The following TLE4 variants were observed in gnomAD, a reference collection of about 807,000 sequenced individuals.
The protein encoded by TLE4 is TLE family member 4, transcriptional corepressor.
In TLE4, 8 loss-of-function variants were observed where a neutral mutation model predicts 92.8. The observed-to-expected ratio is 0.09, with a 90% confidence interval of 0.05 to 0.16. The LOEUF (loss-of-function observed/expected upper bound fraction) is 0.16, where lower values mean the gene tolerates loss of function less well. Ranked by LOEUF, TLE4 falls within the 10% of genes least tolerant of loss-of-function variation. The pLI is 1.00. For synonymous variants in TLE4, 371 were observed against 374.1 expected, an observed-to-expected ratio of 0.99 and a Z score of 0.10; for missense variants, 675 against 997.6, an observed-to-expected ratio of 0.68 and a Z score of 4.36.
chr9:79,649,923 G>GTT (rs368464088), intron 6 of TLE4: 1,917 of 1,196,170 alleles, frequency 1.6e-3, no homozygotes, highest in South Asian at 2.1e-3. Context: ...TTTGTTTTTT[G>GTT]TTTTTTTTTT....
At chr9:79,599,178 G>C (rs1383259799) in intron 4 of TLE4, among the ~76,000 whole-genome samples, 1 of 152,160 alleles carries the variant, frequency 6.6e-6, no homozygotes, top group African/African-American at 2.4e-5. Context: ...AATTGACCTT[G>C]ATGGGCCCTT....
intron 6 of TLE4, among the ~76,000 whole-genome samples, chr9:79,641,977 T>C (rs1267535071): frequency 2.6e-5 from 4 of 151,892 alleles, no homozygotes; most frequent in Non-Finnish European, 5.9e-5. Flanking sequence ...AAAAAGGGTA[T>C]AGAAGACTAT....
At chr9:79,598,075 G>GAAAAAAAAAAAAAAAAAAAAAAAA (rs748860967) in intron 4 of TLE4, among the ~76,000 whole-genome samples, 1 of 65,736 alleles carries the variant, frequency 1.5e-5, no homozygotes, top group Non-Finnish European at 3.0e-5. Flanking sequence ...TACTGAAAAA[G>GAAAAAAAAAAAAAAAAAAAAAAAA]AAAAAAAAAA....
intron 4 of TLE4, among the ~76,000 whole-genome samples, chr9:79,605,905 T>C (rs867659090): frequency 6.6e-6 from 1 of 152,192 alleles, no homozygotes; most frequent in African/African-American, 2.4e-5. Flanking sequence ...GTAGAATCAT[T>C]GCTTTGGTTA....
rs139997823 is a variant in TLE4 at position 79,683,166 on chromosome 9, G to A, written c.610-21617G>A. Among the ~76,000 whole-genome samples the A allele has an allele frequency of 1.7e-3, 260 of 152,332 alleles. 3 individuals carry two copies. The highest frequency in any genetic ancestry group is 4.4e-4 in the Non-Finnish European group (30 of 68,024). The stretch of plus-strand genomic sequence containing the variant: ...ACAAAAAGATTTGCCGACCTTTGAT[G>A]TAGACCATCAGTTTAACTCCCAGCC... On this transcript the variant is annotated intron_variant, in intron 8 of 19. Coordinates refer to ENST00000376552, the MANE Select transcript of TLE4 (RefSeq NM_007005.6).
chr9:79,612,404 A>G (rs2048572807), intron 4 of TLE4, among the ~76,000 whole-genome samples: 1 of 152,098 alleles, frequency 6.6e-6, no homozygotes. Context: ...ATTAAATTCC[A>G]TTTTATATTG....
At chr9:79,681,237 G>T (rs948503761) in intron 8 of TLE4, among the ~76,000 whole-genome samples, 10 of 152,086 alleles carry the variant, frequency 6.6e-5, no homozygotes, top group Admixed American at 1.3e-4. Context: ...ATTTACTCTG[G>T]GGGAAATTAT....
At chr9:79,645,002 A>T (rs902554305) in intron 6 of TLE4, among the ~76,000 whole-genome samples, 4 of 152,164 alleles carry the variant, frequency 2.6e-5, no homozygotes, top group Non-Finnish European at 5.9e-5. Flanking sequence ...AGTGCCCTAC[A>T]TCTTCACCTA....
intron 8 of TLE4, among the ~76,000 whole-genome samples, chr9:79,654,608 T>C (rs2059509049): frequency 6.6e-6 from 1 of 152,132 alleles, no homozygotes. Flanking sequence ...ACAAGTTAAT[T>C]CTCTTTAGGT....
intron 6 of TLE4, among the ~76,000 whole-genome samples, chr9:79,645,750 GTACT>G (rs1646709193): frequency 1.3e-5 from 2 of 152,090 alleles, no homozygotes; most frequent in Admixed American, 1.3e-4. Flanking sequence ...TCTTAATGGA[GTACT>G]TACTTGCTTA....
intron 4 of TLE4, among the ~76,000 whole-genome samples, chr9:79,597,073 G>A (rs2044215603): frequency 1.3e-5 from 2 of 152,048 alleles, no homozygotes; most frequent in South Asian, 4.1e-4. Flanking sequence ...ATATCATCCA[G>A]GTTTTACACA....
intron 8 of TLE4, among the ~76,000 whole-genome samples, chr9:79,687,195 G>A (rs944776028): frequency 6.6e-6 from 1 of 152,200 alleles, no homozygotes; most frequent in Non-Finnish European, 1.5e-5. Context: ...GGATCCAGCC[G>A]TGGGTGATGC....
intron 6 of TLE4, among the ~76,000 whole-genome samples, chr9:79,639,891 T>TA (rs1251125093): frequency 6.6e-6 from 1 of 152,176 alleles, no homozygotes; most frequent in Non-Finnish European, 1.5e-5. Context: ...TATAGATAGA[T>TA]ACATATATAT....
chr9:79,696,010 G>C lies in TLE4; in HGVS notation c.610-8773G>C, dbSNP rs934252720. On this transcript the variant is annotated intron_variant, in intron 8 of 19. Transcript: ENST00000376552. Reference sequence around the variant, plus strand: ...GGGTGTTGATTTCTGTTGTGACTCTGAGAACTTTTAGACCTGTGTTGTCTG... The same window carrying C: ...GGGTGTTGATTTCTGTTGTGACTCTCAGAACTTTTAGACCTGTGTTGTCTG... Among the ~76,000 whole-genome samples, 20 of 152,162 alleles carry C rather than the reference G, an allele frequency of 1.3e-4. No individual in the cohort carries two copies. In the South Asian group the frequency reaches 1.4e-3, roughly 11 times the overall value.
rs750897780 is a variant in TLE4 at position 79,704,828 on chromosome 9, C to T, written c.655C>T (p.His219Tyr). 1 of 1,614,136 alleles carries T rather than the reference C, an allele frequency of 6.2e-7. No individual in the cohort carries two copies. The highest frequency in any genetic ancestry group is 8.5e-7 in the Non-Finnish European group (1 of 1,180,024). ...PSASFRGAEKHRNSADYSSES... is the reference protein window; with the variant it reads ...PSASFRGAEKYRNSADYSSES... ...AGCCAGTTTCCGAGGTGCTGAGAAG[C>T]ACAGAAACTCCGCAGACTACTCCTC... The change falls in exon 9 of 20, where the codon CAC becomes TAC. Residue 219 changes from histidine (H) to tyrosine (Y), a missense_variant. Physicochemically the swap from His to Tyr is moderately conservative, Grantham distance 83. This residue lies in a region of TLE4 where 280 missense variants were observed against 287.3 expected (regional missense o/e 0.97). Coordinates refer to ENST00000376552, the MANE Select transcript of TLE4 (RefSeq NM_007005.6).
chr9:79,631,146 AT>A (rs1200283625), intron 6 of TLE4, among the ~76,000 whole-genome samples: 1 of 152,200 alleles, frequency 6.6e-6, no homozygotes, highest in Admixed American at 6.5e-5. Flanking sequence ...AGTCTGCAAA[AT>A]TATTTGCCAT....
chr9:79,623,866 G>A (rs767287634), intron 5 of TLE4, among the ~76,000 whole-genome samples: 4 of 152,052 alleles, frequency 2.6e-5, no homozygotes, highest in Non-Finnish European at 5.9e-5. Flanking sequence ...GGTGGTACTG[G>A]TGGCGCATTC....
chr9:79,579,191 G>C (rs2038909746), intron 4 of TLE4, among the ~76,000 whole-genome samples: 2 of 152,192 alleles, frequency 1.3e-5, no homozygotes, highest in African/African-American at 4.8e-5. Context: ...CCAGGGTTTA[G>C]TTGTTAAGTT....
intron 8 of TLE4, among the ~76,000 whole-genome samples, chr9:79,699,100 A>T (rs1370463342): frequency 6.6e-6 from 1 of 152,102 alleles, no homozygotes; most frequent in African/African-American, 2.4e-5. Flanking sequence ...AAGTAGTTCC[A>T]AAAAAACAGA....
Sources: allele counts gnomAD v4.1 joint callset (sites outside exome capture counted in the v4.1 genomes callset), GRCh38; gene constraint gnomAD v4.1.1; regional missense constraint gnomAD v4.1.1; transcripts MANE v1.5; gene names NCBI Gene and HGNC (gene_info 2026-07-23, HGNC 2026-07-21).